DDX10: variants seen among roughly 807,000 people sequenced by gnomAD.
The protein encoded by DDX10 is probable ATP-dependent RNA helicase DDX10.
DDX10 carries 74 observed loss-of-function variants against 104.3 expected under a neutral mutation model. The observed-to-expected ratio is 0.71, with a 90% CI of 0.59 to 0.86. DDX10 has a LOEUF of 0.86. Ranked by LOEUF, DDX10 falls within the 40% of genes least tolerant of loss-of-function variation. The probability of loss-of-function intolerance (pLI) is 0.00; values close to 1 mark genes in which losing one functional copy is unlikely to be tolerated. For missense variants in DDX10, 952 were observed against 1,040.0 expected (o/e 0.92, Z 1.16); for synonymous variants, 351 against 353.4 (o/e 0.99, Z 0.08).
intron 9 of DDX10, among the ~76,000 whole-genome samples, chr11:108,703,010 A>C (rs2094270652): frequency 6.6e-6 from 1 of 152,242 alleles, no homozygotes; most frequent in African/African-American, 2.4e-5. Flanking sequence ...TATTGATGGC[A>C]AAAATGAAAT....
intron 16 of DDX10, among the ~76,000 whole-genome samples, chr11:108,859,918 G>A (rs137931042): frequency 6.6e-6 from 1 of 152,202 alleles, no homozygotes; most frequent in East Asian, 1.9e-4. Context: ...TCTTTTGACT[G>A]TTAGTAGTCA....
At chr11:108,850,292 A>T (rs1423081386) in intron 15 of DDX10, among the ~76,000 whole-genome samples, 1 of 152,176 alleles carries the variant, frequency 6.6e-6, no homozygotes, top group Non-Finnish European at 1.5e-5. Flanking sequence ...ATATCTTTTA[A>T]TGACTATAAT....
At chr11:108,913,075 A>G (rs1158865925) in intron 16 of DDX10, among the ~76,000 whole-genome samples, 1 of 152,214 alleles carries the variant, frequency 6.6e-6, no homozygotes, top group East Asian at 1.9e-4. Flanking sequence ...AGCCCAAAAC[A>G]TCTGAGACAA....
rs758907230 is a variant in DDX10, at chr11:108,693,522, C to T, written c.1145C>T (p.Pro382Leu). The change falls in exon 9 of 18, where the codon CCG becomes CTG. Residue 382 changes from proline (P) to leucine (L), a missense_variant. Around this residue, in one of 3 missense-constraint regions of DDX10, gnomAD observed 412 missense variants for 479.2 expected, o/e 0.86. Coordinates refer to ENST00000322536, the MANE Select transcript of DDX10 (RefSeq NM_004398.4). ...TCACATCCCTTCTCTGTAGATTTCC[C>T]GGCCGTGAATTGGGTTCTTCAGTTT... ...TDIAARGLDF[P>L]AVNWVLQFDC... The T allele has an allele frequency of 1.3e-5, 21 of 1,613,544 alleles. No homozygotes were observed. In the Middle Eastern group the frequency reaches 6.6e-4, roughly 51 times the overall value.
chr11:108,667,453 T>A (rs1026585706), intron 1 of DDX10, among the ~76,000 whole-genome samples: 1 of 152,222 alleles, frequency 6.6e-6, no homozygotes, highest in African/African-American at 2.4e-5. Flanking sequence ...CATGTTCTAG[T>A]CTGCTGCAGA....
intron 16 of DDX10, among the ~76,000 whole-genome samples, chr11:108,917,526 T>G (rs1863766941): frequency 1.3e-5 from 2 of 152,134 alleles, no homozygotes. Flanking sequence ...CTCATCCTCC[T>G]GAGTAGCTGG....
chr11:108,921,244 A>G (rs550424616), intron 17 of DDX10: 20 of 152,380 alleles, frequency 1.3e-4, no homozygotes, highest in African/African-American at 4.8e-4. Flanking sequence ...TATGTAAACT[A>G]AAACCAAAAT....
At chr11:108,883,318 T>G (rs1008384654) in intron 16 of DDX10, among the ~76,000 whole-genome samples, 2 of 152,188 alleles carry the variant, frequency 1.3e-5, no homozygotes, top group Non-Finnish European at 2.9e-5. Flanking sequence ...ATTCAAGATA[T>G]TATTTTTTGT....
At chr11:108,773,836 T>A (rs2094366418) in intron 13 of DDX10, among the ~76,000 whole-genome samples, 1 of 152,168 alleles carries the variant, frequency 6.6e-6, no homozygotes, top group East Asian at 1.9e-4. Context: ...ACCATAGTGC[T>A]GAGAAGGGAG....
chr11:108,867,776 T>C (rs1165165982), intron 16 of DDX10, among the ~76,000 whole-genome samples: 1 of 152,154 alleles, frequency 6.6e-6, no homozygotes, highest in African/African-American at 2.4e-5. Context: ...AAGGAAAATG[T>C]ATAGGAAAAT....
At chr11:108,701,675 C>CTTTTTTTTTTTTTTTTTTTTTTTTTTTTT (rs55916940) in intron 9 of DDX10, among the ~76,000 whole-genome samples, 2 of 77,392 alleles carry the variant, frequency 2.6e-5, no homozygotes, top group African/African-American at 5.1e-5. Context: ...TTCTTCTTCT[C>CTTTTTTTTTTTTTTTTTTTTTTTTTTTTT]TTTTTTTTTT....
At chr11:108,889,689 A>C (rs1390916870) in intron 16 of DDX10, among the ~76,000 whole-genome samples, 1 of 152,212 alleles carries the variant, frequency 6.6e-6, no homozygotes, top group African/African-American at 2.4e-5. Context: ...TAGAATAGCC[A>C]TTTACCTGTG....
At chr11:108,796,205 G>A (rs1861939201) in intron 13 of DDX10, among the ~76,000 whole-genome samples, 1 of 151,508 alleles carries the variant, frequency 6.6e-6, no homozygotes, top group Non-Finnish European at 1.5e-5. Context: ...AATTGTCTTT[G>A]TTGTCTTTCT....
intron 13 of DDX10, among the ~76,000 whole-genome samples, chr11:108,808,221 A>T (rs1277357892): frequency 9.2e-5 from 14 of 151,832 alleles, no homozygotes; most frequent in Non-Finnish European, 1.2e-4. Context: ...TTTTTTACAA[A>T]TTTTTTTTCC....
intron 9 of DDX10, among the ~76,000 whole-genome samples, chr11:108,697,299 G>A (rs1469412222): frequency 6.7e-6 from 1 of 150,156 alleles, no homozygotes; most frequent in Non-Finnish European, 1.5e-5. Context: ...AGTTTTGTGG[G>A]CCATGAGACT....
chr11:108,797,954 C>T (rs990828154), intron 13 of DDX10, among the ~76,000 whole-genome samples: 1 of 152,202 alleles, frequency 6.6e-6, no homozygotes, highest in African/African-American at 2.4e-5. Flanking sequence ...CTGCATCCTT[C>T]CTCTTACCCA....
intron 16 of DDX10, among the ~76,000 whole-genome samples, chr11:108,864,825 A>G (rs1862987936): frequency 6.6e-6 from 1 of 152,130 alleles, no homozygotes; most frequent in Non-Finnish European, 1.5e-5. Flanking sequence ...CTACACCCCC[A>G]TGGCAGAATG....
intron 15 of DDX10, among the ~76,000 whole-genome samples, chr11:108,843,157 G>C (rs1862663875): frequency 6.6e-6 from 1 of 152,136 alleles, no homozygotes; most frequent in Non-Finnish European, 1.5e-5. Context: ...TACTTAAGAG[G>C]CTGAGGCAGG....
intron 16 of DDX10, among the ~76,000 whole-genome samples, chr11:108,900,068 C>T (rs1462161547): frequency 2.6e-5 from 4 of 151,910 alleles, no homozygotes; most frequent in Admixed American, 1.3e-4. Flanking sequence ...GCTTAAAATG[C>T]GTCACTGCAC....
Sources: allele counts gnomAD v4.1 joint callset (sites outside exome capture counted in the v4.1 genomes callset), GRCh38; gene constraint gnomAD v4.1.1; regional missense constraint gnomAD v4.1.1; transcripts MANE v1.5; gene names NCBI Gene and HGNC (gene_info 2026-07-23, HGNC 2026-07-21).